The following ROPN1 variants were observed in gnomAD, a reference collection of about 807,000 sequenced individuals.
The protein encoded by ROPN1 is rhophilin associated tail protein 1, also known as ropporin-1A.
Under a neutral mutation model 20.5 loss-of-function variants are expected in ROPN1, and 14 were observed. That is an observed-to-expected ratio of 0.68 (90% CI 0.45 to 1.07). The LOEUF (loss-of-function observed/expected upper bound fraction) is 1.07. Among genes scored for constraint, ROPN1 ranks in the 50% least tolerant of loss-of-function variants. The probability of loss-of-function intolerance (pLI) is 0.00; values close to 1 mark genes in which losing one functional copy is unlikely to be tolerated. For missense variants in ROPN1, 169 were observed against 242.8 expected, an observed-to-expected ratio of 0.70 and a Z score of 2.02; for synonymous variants, 76 against 95.7, an observed-to-expected ratio of 0.79 and a Z score of 1.20.
chr3:123,978,877 A>G (rs1056473039), intron 2 of ROPN1: 4 of 153,748 alleles, frequency 2.6e-5, no homozygotes, highest in African/African-American at 4.8e-5. Context: ...ACGTGATACA[A>G]TACGAGAGCA....
In ROPN1 at chr3:123,980,477, G is replaced by A. The variant is rs756743345; in HGVS notation, c.5C>T (p.Ala2Val). M[A>V]QTDKPTCIPP... ...GATGCATGTTGGCTTATCTGTCTGA[G>A]CCATTGATTGGTTGGCCTATTCTCA... is the stretch of plus-strand genomic sequence containing the variant. Residue 2 changes from alanine (A) to valine (V), a missense_variant, in exon 2 of 6, where the codon GCT (alanine) becomes GTT (valine). Transcript: ENST00000405845. 2.5e-6 allele frequency: 4 copies of A among 1,613,968 alleles called. No homozygotes were observed. The highest frequency in any genetic ancestry group is 2.7e-5 in the African/African-American group (2 of 74,912).
At chr3:123,978,190 C>G (rs2038063949) in intron 2 of ROPN1, among the ~76,000 whole-genome samples, 1 of 152,130 alleles carries the variant, frequency 6.6e-6, no homozygotes, top group Non-Finnish European at 1.5e-5. Flanking sequence ...TGCCAGTCAC[C>G]CCTTGGAGGT....
intron 1 of ROPN1, among the ~76,000 whole-genome samples, chr3:123,982,215 G>A (rs1158967430): frequency 2.0e-5 from 3 of 152,176 alleles, no homozygotes; most frequent in Non-Finnish European, 2.9e-5. Context: ...AAAGAGTGAC[G>A]AAAGCTTCAA....
intron 1 of ROPN1, among the ~76,000 whole-genome samples, chr3:123,986,102 T>C (rs2149001931): frequency 6.6e-6 from 1 of 150,578 alleles, no homozygotes; most frequent in East Asian, 1.9e-4. Flanking sequence ...TTAAATAATG[T>C]TTCCAAAATT....
At chr3:123,977,317 A>T (rs2038045454) in intron 2 of ROPN1, among the ~76,000 whole-genome samples, 1 of 152,244 alleles carries the variant, frequency 6.6e-6, no homozygotes, top group Non-Finnish European at 1.5e-5. Flanking sequence ...ATACACGCAG[A>T]TGTATATTAC....
At chr3:123,986,656 C>G (rs1158776678) in intron 1 of ROPN1, among the ~76,000 whole-genome samples, 1 of 152,140 alleles carries the variant, frequency 6.6e-6, no homozygotes, top group South Asian at 2.1e-4. Flanking sequence ...CAGTGGGGGT[C>G]AGCAGGGGTG....
At chr3:123,971,532 T>C (rs865858460) in intron 4 of ROPN1, among the ~76,000 whole-genome samples, 58 of 152,242 alleles carry the variant, frequency 3.8e-4, no homozygotes, top group African/African-American at 1.4e-3. Context: ...CTCATGGAAA[T>C]TGTTGTGAAA....
At chr3:123,985,305 A>G (rs2038228534) in intron 1 of ROPN1, among the ~76,000 whole-genome samples, 3 of 152,208 alleles carry the variant, frequency 2.0e-5, no homozygotes. Flanking sequence ...ACGTTGGATT[A>G]TTACTTTAAT....
intron 4 of ROPN1, among the ~76,000 whole-genome samples, chr3:123,973,540 G>T (rs556973949): frequency 6.6e-6 from 1 of 152,288 alleles, no homozygotes; most frequent in Admixed American, 6.5e-5. Context: ...TCACCTCATG[G>T]TTTCCCCTCT....
intron 1 of ROPN1, chr3:123,980,719 T>A: frequency 2.4e-6 from 1 of 418,310 alleles, no homozygotes; most frequent in Non-Finnish European, 4.2e-6. Flanking sequence ...ACACAGCCCT[T>A]GTTCATTTAA....
At chr3:123,977,398 G>C (rs2038047740) in intron 2 of ROPN1, among the ~76,000 whole-genome samples, 1 of 152,232 alleles carries the variant, frequency 6.6e-6, no homozygotes, top group Non-Finnish European at 1.5e-5. Flanking sequence ...GAAAGGGGAA[G>C]GCAGCACAGG....
intron 5 of ROPN1, 88 bp from the exon 6 acceptor site, chr3:123,969,309 A>G (rs2037866585): frequency 9.3e-7 from 1 of 1,074,618 alleles, no homozygotes; most frequent in Non-Finnish European, 1.4e-6. Context: ...TTTCACATTA[A>G]TTCTGCTGTT....
chr3:123,990,736 C>T (rs2149006731), intron 1 of ROPN1, among the ~76,000 whole-genome samples: 1 of 152,356 alleles, frequency 6.6e-6, no homozygotes, highest in African/African-American at 2.4e-5. Flanking sequence ...AACCCCAACT[C>T]TTTCAATTCA....
intron 2 of ROPN1, among the ~76,000 whole-genome samples, chr3:123,978,482 C>T (rs1192319468): frequency 2.0e-5 from 3 of 152,156 alleles, no homozygotes; most frequent in East Asian, 1.9e-4. Context: ...TCATGGATTT[C>T]GTTCTTTGGG....
At position 123,980,322 on chromosome 3, in the gene ROPN1, T is replaced by C. The variant is rs763576317; in HGVS notation, c.116+44A>G. The C allele has an allele frequency of 1.4e-5, 22 of 1,600,842 alleles. No individual in the cohort carries two copies. The Middle Eastern group carries it at 5.0e-4, about 36-fold the overall frequency. On this transcript the variant is annotated intron_variant, in intron 2 of 5. Coordinates refer to ENST00000405845, the MANE Select transcript of ROPN1 (RefSeq NM_001317774.2). ...CCGCGGTTTTACAGGACCCTCTGTC[T>C]CCGGCCGTCCTCCAAGGGGTGAAGG... is the stretch of plus-strand genomic sequence containing the variant.
chr3:123,980,005 T>A (rs529037042), intron 2 of ROPN1: 4 of 484,648 alleles, frequency 8.3e-6, no homozygotes, highest in South Asian at 3.6e-5. Context: ...AGATTAAGCT[T>A]CGGAGATTCC....
intron 1 of ROPN1, among the ~76,000 whole-genome samples, chr3:123,981,088 T>C (rs2038138008): frequency 6.6e-6 from 1 of 152,170 alleles, no homozygotes; most frequent in Admixed American, 6.5e-5. Context: ...CTCAAAAAGT[T>C]CCAGGACAAA....
At chr3:123,982,056 A>G (rs551597937) in intron 1 of ROPN1, among the ~76,000 whole-genome samples, 1 of 152,334 alleles carries the variant, frequency 6.6e-6, no homozygotes, top group South Asian at 2.1e-4. Context: ...CAGTTAAAAT[A>G]CAGGTATAGG....
intron 4 of ROPN1, among the ~76,000 whole-genome samples, chr3:123,973,528 A>G (rs2037954945): frequency 6.6e-6 from 1 of 152,176 alleles, no homozygotes. Flanking sequence ...GAAAGATTCA[A>G]TTCACCTCAT....
Sources: gnomAD v4.1 joint callset for allele counts (sites outside exome capture counted in the v4.1 genomes callset) on GRCh38, gnomAD v4.1.1 for gene constraint, MANE v1.5 for transcripts, NCBI Gene and HGNC (gene_info 2026-07-23, HGNC 2026-07-21) for gene names.